The following ASPA variants were observed in gnomAD, a reference collection of about 807,000 sequenced individuals.
ASPA encodes the protein aspartoacylase, also known as ACY-2.
A neutral mutation model predicts 29.6 loss-of-function variants in ASPA; 25 were observed. The ratio of observed to expected loss-of-function variants is 0.85; its 90% CI spans 0.62 to 1.18. The LOEUF (loss-of-function observed/expected upper bound fraction) is 1.18. Ranked by LOEUF, ASPA falls within the 50% of genes most tolerant of loss-of-function variation. The probability of loss-of-function intolerance (pLI) is 0.00; values close to 1 mark genes in which losing one functional copy is unlikely to be tolerated. For missense variants in ASPA, 333 were observed against 385.7 expected, an observed-to-expected ratio of 0.86 and a Z score of 1.14; for synonymous variants, 131 against 130.3, an observed-to-expected ratio of 1.01 and a Z score of -0.04.
At position 3,500,897 on chromosome 17, in the gene ASPA, T is replaced by G. The variant is rs1266477611; in HGVS notation, c.*1809T>G. On this transcript the variant is annotated 3_prime_UTR_variant, in exon 6 of 6. Transcript: ENST00000263080. ...AAGCCTCGCTGGCAGCACATCTGTT[T>G]GCGGCATGGTTTACTGTATATTTTA... 1 of 152,062 alleles carries G rather than the reference T, an allele frequency of 6.6e-6. No individual in the cohort carries two copies. The highest frequency in any genetic ancestry group is 1.5e-5 in the Non-Finnish European group (1 of 68,042). 9.4% of individuals were successfully genotyped at this position (152,062 alleles called of 1,614,324 possible).
intron 1 of ASPA, 63 bp from the exon 2 acceptor site, chr17:3,481,537 CTTA>C: frequency 1.4e-6 from 2 of 1,448,482 alleles, no homozygotes; most frequent in East Asian, 2.4e-5. Flanking sequence ...ACACTGTGTT[CTTA>C]TTATATGTTT....
intron 3 of ASPA, among the ~76,000 whole-genome samples, chr17:3,487,578 C>T (rs1055462040): frequency 6.6e-6 from 1 of 152,194 alleles, no homozygotes; most frequent in African/African-American, 2.4e-5. Flanking sequence ...ATCTGTATCT[C>T]TTATTGCTAA....
chr17:3,488,236 T>C lies in ASPA; in HGVS notation c.527-999T>C, dbSNP rs1396558165. On this transcript the variant is annotated intron_variant, in intron 3 of 5. Coordinates refer to ENST00000263080, the MANE Select transcript of ASPA (RefSeq NM_000049.4). This position sits in a 1 kb window ranked among gnomAD's most constrained non-coding sequence, Gnocchi z 6.1. ...AACAGGAAGGAAGGGTCTACAAAAG[T>C]AGTTTAAAGAAAGAGTATTTTGTAG... Among the ~76,000 whole-genome samples, 2 of 152,082 alleles carry C rather than the reference T, an allele frequency of 1.3e-5. No homozygotes were observed. Among genetic ancestry groups the C allele is most frequent in the African/African-American group, 2.4e-5 (1 of 41,410 alleles).
At chr17:3,497,226 A>G (rs968619741) in intron 5 of ASPA, among the ~76,000 whole-genome samples, 1 of 152,210 alleles carries the variant, frequency 6.6e-6, no homozygotes, top group Non-Finnish European at 1.5e-5. Flanking sequence ...AGGTGGGGCT[A>G]GCCAGACGTG....
At position 3,501,511 on chromosome 17, in the gene ASPA, T is replaced by TTTCC. The variant is rs2073989136; in HGVS notation, c.*2423_*2424insTTCC. The TTTCC allele has an allele frequency of 1.3e-5, 2 of 153,516 alleles. No individual in the cohort carries two copies. Among genetic ancestry groups the TTTCC allele is most frequent in the Non-Finnish European group, 2.9e-5 (2 of 68,908 alleles). 9.5% of individuals were successfully genotyped at this position (153,516 alleles called of 1,614,324 possible). A position where few individuals can be genotyped will look rare whatever the true frequency, so the allele number is the denominator to read the frequency against. ...TGAATGGATGAGGAGTCGCTTCTTA[T>TTTCC]AAATGAGCAAAAAAGTGGTTTCTTG... On this transcript the variant is annotated 3_prime_UTR_variant, in exon 6 of 6. Transcript: ENST00000263080.
chr17:3,476,379 G>T lies in ASPA; in HGVS notation c.220G>T (p.Asp74Tyr). Residue 74 changes from aspartate (D) to tyrosine (Y), a missense_variant, in exon 1 of 6, where the codon GAC (aspartate) becomes TAC (tyrosine). By Grantham distance (160) the Asp-to-Tyr change is radical (BLOSUM62 -3). Transcript: ENST00000263080. Reference protein sequence around the residue: ...YIDCDLNRIFDLENLGKKMSE... With the variant: ...YIDCDLNRIFYLENLGKKMSE... ...TGACTGTGACCTGAATCGCATTTTTGACCTTGAAAATCTTGGGTAAGACTA... is the reference window on the plus strand; with the variant it reads ...TGACTGTGACCTGAATCGCATTTTTTACCTTGAAAATCTTGGGTAAGACTA... The T allele has an allele frequency of 1.2e-6, 2 of 1,614,008 alleles. No individual in the cohort carries two copies. Among genetic ancestry groups the T allele is most frequent in the South Asian group, 2.2e-5 (2 of 91,062 alleles).
chr17:3,501,514 A>C lies in ASPA; in HGVS notation c.*2426A>C, dbSNP rs1270322877. 1 of 153,552 alleles carries C rather than the reference A, an allele frequency of 6.5e-6. No individual in the cohort carries two copies. The highest frequency in any genetic ancestry group is 1.5e-5 in the Non-Finnish European group (1 of 68,904). The allele number at this position is 153,552 out of a possible 1,614,324, so 9.5% of individuals were successfully genotyped here. ...ATGGATGAGGAGTCGCTTCTTATAA[A>C]TGAGCAAAAAAGTGGTTTCTTGGCT... On this transcript the variant is annotated 3_prime_UTR_variant, in exon 6 of 6. Coordinates refer to ENST00000263080, the MANE Select transcript of ASPA (RefSeq NM_000049.4).
chr17:3,474,735 A>G (rs2073496599), upstream of ASPA, among the ~76,000 whole-genome samples: 1 of 152,318 alleles, frequency 6.6e-6, no homozygotes, highest in East Asian at 1.9e-4. Flanking sequence ...TCCACCATGT[A>G]TTTGGTTTGT....
rs772961935 is a variant in ASPA, at chr17:3,483,462, G to A, written c.433-37G>A. On this transcript the variant is annotated intron_variant, in intron 2 of 5. Coordinates refer to ENST00000263080, the MANE Select transcript of ASPA (RefSeq NM_000049.4). ...TGAAGCAAAGAGAACAAAACATACG[G>A]TTTTTACCTAAGAAAGACGTTTTTG... is the stretch of plus-strand genomic sequence containing the variant. 8.3e-6 allele frequency: 13 copies of A among 1,562,572 alleles called. No individual in the cohort carries two copies. The South Asian group carries it at 1.3e-4, about 16-fold the overall frequency.
intron 4 of ASPA, among the ~76,000 whole-genome samples, chr17:3,493,841 T>G (rs1371975802): frequency 6.6e-6 from 1 of 152,128 alleles, no homozygotes; most frequent in Non-Finnish European, 1.5e-5. Flanking sequence ...TCAGTTCTGT[T>G]TTCTACCTCT....
intron 3 of ASPA, among the ~76,000 whole-genome samples, chr17:3,483,983 A>G (rs1233757824): frequency 1.3e-5 from 2 of 152,190 alleles, no homozygotes; most frequent in Non-Finnish European, 2.9e-5. Context: ...AAAAACATTT[A>G]CAGCTACCTT....
At chr17:3,489,952 T>C (rs897549087) in intron 4 of ASPA, among the ~76,000 whole-genome samples, 1 of 152,240 alleles carries the variant, frequency 6.6e-6, no homozygotes, top group East Asian at 1.9e-4. Context: ...AGCATGAATG[T>C]CCACCTGTTG....
At chr17:3,489,105 T>C (rs575664981) in intron 3 of ASPA, 130 bp from the exon 4 acceptor site, 120 of 622,114 alleles carry the variant, frequency 1.9e-4, no homozygotes, top group African/African-American at 1.9e-3. Flanking sequence ...ATATTTTCCA[T>C]GATGCTACAT....
chr17:3,496,279 G>A (rs949993283), intron 5 of ASPA, among the ~76,000 whole-genome samples: 1 of 152,202 alleles, frequency 6.6e-6, no homozygotes, highest in African/African-American at 2.4e-5. Flanking sequence ...CAATGGGTGA[G>A]GAGAACTGAC....
At chr17:3,481,898 C>A in intron 2 of ASPA, 100 bp downstream of exon 2, 2 of 1,161,202 alleles carry the variant, frequency 1.7e-6, no homozygotes. Context: ...AGGGAAGGTG[C>A]AAGAGAAATG....
intron 1 of ASPA, 112 bp downstream of exon 1, chr17:3,476,507 A>C: frequency 1.0e-6 from 1 of 994,488 alleles, no homozygotes; most frequent in South Asian, 1.3e-5. Flanking sequence ...CCGTACATGC[A>C]GTCGTATGTT....
rs1555540674 is a variant in ASPA at position 3,494,392 on chromosome 17, TAGAG to T, written c.679_682del (p.Glu227LysfsTer36). 6.2e-7 allele frequency: 1 copy of T among 1,613,138 alleles called. No homozygotes were observed. Among genetic ancestry groups the T allele is most frequent in the Non-Finnish European group, 8.5e-7 (1 of 1,179,044 alleles). ...TGCGCCATTGAGGTCTATAAAATTA[TAGAG>T]AAAGTTGATTACCCCCGGGATGAAA... On this transcript the variant is annotated frameshift_variant, in exon 5 of 6. Coordinates refer to ENST00000263080, the MANE Select transcript of ASPA (RefSeq NM_000049.4). LOFTEE classifies it high-confidence loss of function.
chr17:3,490,709 GA>G lies in ASPA; in HGVS notation c.634+1369del, dbSNP rs1477198304. Among the ~76,000 whole-genome samples the G allele has an allele frequency of 6.6e-6, 1 of 152,184 alleles. No individual in the cohort carries two copies. Among genetic ancestry groups the G allele is most frequent in the African/African-American group, 2.4e-5 (1 of 41,438 alleles). On this transcript the variant is annotated intron_variant, in intron 4 of 5. Coordinates refer to ENST00000263080, the MANE Select transcript of ASPA (RefSeq NM_000049.4). The surrounding 1 kb of genome is among the most constrained non-coding windows in gnomAD (Gnocchi z 4.6). ...ACAACATACTTACAATAAACCCTCT[GA>G]ATAGGAAGTGTGGGACTACAATATA... is the stretch of plus-strand genomic sequence containing the variant.
At chr17:3,478,194 A>ATAT (rs1336526615) in intron 1 of ASPA, among the ~76,000 whole-genome samples, 4 of 150,990 alleles carry the variant, frequency 2.6e-5, no homozygotes, top group African/African-American at 7.3e-5. Context: ...CAAAAAAAAA[A>ATAT]ATATATATAT....
Sources: allele counts gnomAD v4.1 joint callset (sites outside exome capture counted in the v4.1 genomes callset), GRCh38; gene constraint gnomAD v4.1.1; non-coding constraint Gnocchi (gnomAD v3.1); transcripts MANE v1.5; gene names NCBI Gene and HGNC (gene_info 2026-07-23, HGNC 2026-07-21).